SEZ6L: variants seen among roughly 807,000 people sequenced by gnomAD.
SEZ6L encodes seizure 6-like protein.
A neutral mutation model predicts 106.2 loss-of-function variants in SEZ6L; 37 were observed. The ratio of observed to expected loss-of-function variants is 0.35; its 90% CI spans 0.27 to 0.46. The LOEUF (loss-of-function observed/expected upper bound fraction) is 0.46. SEZ6L is among the 20% of genes least tolerant of loss of function. The probability of loss-of-function intolerance (pLI) is 1.00; values close to 1 mark genes in which losing one functional copy is unlikely to be tolerated. For missense variants in SEZ6L, 1,172 were observed against 1,332.8 expected (o/e 0.88, Z 1.88); for synonymous variants, 541 against 570.4 (o/e 0.95, Z 0.73).
rs577603817 is a variant in SEZ6L, at chr22:26,332,237, T to C, written c.2016-8199T>C. Among the ~76,000 whole-genome samples the C allele has an allele frequency of 3.2e-3, 486 of 149,678 alleles. 7 individuals are homozygous for C. The highest frequency in any genetic ancestry group is 0.011 in the African/African-American group (448 of 40,710). On this transcript the variant is annotated intron_variant, in intron 9 of 16. Coordinates refer to ENST00000248933, the MANE Select transcript of SEZ6L (RefSeq NM_021115.5). ...CGATCTCGGCTCACTGCAACCTCCTTCTCTCAGGTTCAAGCAATTCTCCTA... is the reference window on the plus strand; with the variant it reads ...CGATCTCGGCTCACTGCAACCTCCTCCTCTCAGGTTCAAGCAATTCTCCTA...
At chr22:26,310,585 G>A (rs1233399179) in intron 6 of SEZ6L, 85 bp from the exon 7 acceptor site, 2 of 1,444,260 alleles carry the variant, frequency 1.4e-6, no homozygotes, top group African/African-American at 1.4e-5. Flanking sequence ...AGGCTCCAGA[G>A]GCAGTCGTAG....
At chr22:26,278,185 G>A (rs1010261534) in intron 1 of SEZ6L, among the ~76,000 whole-genome samples, 2 of 152,204 alleles carry the variant, frequency 1.3e-5, no homozygotes, top group African/African-American at 2.4e-5. Flanking sequence ...TCTGGCTGCT[G>A]CGGAGGCCAG....
At chr22:26,203,022 T>G (rs1941069478) in intron 1 of SEZ6L, among the ~76,000 whole-genome samples, 1 of 152,238 alleles carries the variant, frequency 6.6e-6, no homozygotes, top group Non-Finnish European at 1.5e-5. Context: ...TCATTGCAGC[T>G]CCCACTGGTG....
chr22:26,339,894 C>T (rs1482771141), intron 9 of SEZ6L, among the ~76,000 whole-genome samples: 9 of 152,160 alleles, frequency 5.9e-5, no homozygotes, highest in African/African-American at 2.2e-4. Flanking sequence ...TTTGACTTTG[C>T]AATGAGTCCC....
At position 26,196,896 on chromosome 22, in the gene SEZ6L, G is replaced by A. The variant is rs6004954; in HGVS notation, c.94+27133G>A. Among the ~76,000 whole-genome samples the A allele has an allele frequency of 6.8e-3, 1,031 of 152,314 alleles. 9 individuals carry two copies. The highest frequency in any genetic ancestry group is 0.024 in the African/African-American group (988 of 41,564). On this transcript the variant is annotated intron_variant, in intron 1 of 16. Coordinates refer to ENST00000248933, the MANE Select transcript of SEZ6L (RefSeq NM_021115.5). ...ACTGGCTGGATCAGATGGTACCTTT[G>A]CCGCAATAGGGAAGGCTTTAGAGAG...
chr22:26,270,455 T>C (rs1333884322), intron 1 of SEZ6L, among the ~76,000 whole-genome samples: 1 of 115,668 alleles, frequency 8.6e-6, no homozygotes, highest in East Asian at 2.8e-4. Context: ...GTGCTGACAA[T>C]TGTGAGGGGT....
chr22:26,256,862 T>C (rs1166964102), intron 1 of SEZ6L, among the ~76,000 whole-genome samples: 1 of 152,164 alleles, frequency 6.6e-6, no homozygotes, highest in African/African-American at 2.4e-5. Flanking sequence ...TGGAGGGAGT[T>C]TGTCATCGGC....
At chr22:26,214,771 GGAAAAAAGTA>G (rs1415558323) in intron 1 of SEZ6L, among the ~76,000 whole-genome samples, 7 of 152,120 alleles carry the variant, frequency 4.6e-5, no homozygotes, top group African/African-American at 1.7e-4. Flanking sequence ...AAGGAGAAGG[GGAAAAAAGTA>G]GAAAACACAG....
chr22:26,311,023 G>A (rs1033184595), intron 7 of SEZ6L, among the ~76,000 whole-genome samples, 187 bp downstream of exon 7: 1 of 152,186 alleles, frequency 6.6e-6, no homozygotes, highest in Non-Finnish European at 1.5e-5. Context: ...CATTAACTGT[G>A]CACTTACTAC....
intron 1 of SEZ6L, among the ~76,000 whole-genome samples, chr22:26,270,757 G>T (rs914893341): frequency 6.6e-6 from 1 of 151,720 alleles, no homozygotes; most frequent in Non-Finnish European, 1.5e-5. Context: ...GATTGCCTAA[G>T]GCTGGCTGTC....
intron 3 of SEZ6L, 52 bp downstream of exon 3, chr22:26,294,477 C>T: frequency 6.3e-7 from 1 of 1,582,362 alleles, no homozygotes; most frequent in Non-Finnish European, 8.7e-7. Flanking sequence ...CAGGAAGTCT[C>T]AGGAGGATTG....
intron 3 of SEZ6L, among the ~76,000 whole-genome samples, chr22:26,295,157 A>G (rs767353703): frequency 1.3e-5 from 2 of 152,330 alleles, no homozygotes; most frequent in East Asian, 1.9e-4. Flanking sequence ...TTCCCGATCA[A>G]TAAAATAGGA....
chr22:26,278,413 G>A (rs2080625960), intron 1 of SEZ6L, among the ~76,000 whole-genome samples: 1 of 152,168 alleles, frequency 6.6e-6, no homozygotes, highest in Non-Finnish European at 1.5e-5. Flanking sequence ...GTGCCTGATA[G>A]GTAAGTTTTC....
chr22:26,306,214 G>C, intron 6 of SEZ6L, 70 bp downstream of exon 6: 4 of 1,546,498 alleles, frequency 2.6e-6, no homozygotes, highest in Middle Eastern at 1.7e-4. Flanking sequence ...TGAGGACTTG[G>C]AGTCTTGAAA....
intron 9 of SEZ6L, among the ~76,000 whole-genome samples, chr22:26,336,175 T>C (rs1307313584): frequency 6.6e-6 from 1 of 152,174 alleles, no homozygotes; most frequent in Non-Finnish European, 1.5e-5. Flanking sequence ...TTCTCCAGCA[T>C]TTCTCTGATG....
At chr22:26,216,669 G>GAAAAGA (rs67514039) in intron 1 of SEZ6L, among the ~76,000 whole-genome samples, 103 of 151,012 alleles carry the variant, frequency 6.8e-4, no homozygotes, top group Middle Eastern at 3.4e-3. Context: ...AAAGAAAAAG[G>GAAAAGA]AAAAGAAAAA....
chr22:26,229,805 G>A (rs1261383308), intron 1 of SEZ6L, among the ~76,000 whole-genome samples: 1 of 152,218 alleles, frequency 6.6e-6, no homozygotes, highest in Non-Finnish European at 1.5e-5. Flanking sequence ...ACTGAGCTAA[G>A]AAGCATTTCA....
chr22:26,210,676 A>G (rs1316194109), intron 1 of SEZ6L, among the ~76,000 whole-genome samples: 2 of 150,342 alleles, frequency 1.3e-5, no homozygotes, highest in Admixed American at 6.7e-5. Flanking sequence ...CATTCTCAGA[A>G]TGGTTTTTTT....
intron 1 of SEZ6L, chr22:26,244,306 G>A (rs552919752): frequency 6.6e-5 from 10 of 152,332 alleles, no homozygotes; most frequent in African/African-American, 2.2e-4. Context: ...AAATCACCGT[G>A]CCCTGTTATG....
Sources: gnomAD v4.1 joint callset for allele counts (sites outside exome capture counted in the v4.1 genomes callset) on GRCh38, gnomAD v4.1.1 for gene constraint, MANE v1.5 for transcripts, NCBI Gene and HGNC (gene_info 2026-07-23, HGNC 2026-07-21) for gene names.